Variants in DPP10 observed in about 807,000 individuals in gnomAD.
The protein encoded by DPP10 is inactive dipeptidyl peptidase 10.
Under a neutral mutation model 120.9 loss-of-function variants are expected in DPP10, and 33 were observed. That is an observed-to-expected ratio of 0.27 (90% CI 0.21 to 0.37). The LOEUF is 0.37. Among genes scored for constraint, DPP10 ranks in the 10% least tolerant of loss-of-function variants. The probability of loss-of-function intolerance (pLI) is 1.00; values close to 1 mark genes in which losing one functional copy is unlikely to be tolerated. For missense variants in DPP10, 816 were observed against 942.8 expected (o/e 0.87, Z 1.76); for synonymous variants, 337 against 326.1 (o/e 1.03, Z -0.36).
intron 1 of DPP10, among the ~76,000 whole-genome samples, chr2:114,997,962 T>G (rs1308049277): frequency 1.3e-5 from 2 of 152,214 alleles, no homozygotes; most frequent in African/African-American, 4.8e-5. Flanking sequence ...ATGCAATATT[T>G]TAAATAATTT....
At chr2:114,837,737 T>C (rs941617122) in intron 1 of DPP10, among the ~76,000 whole-genome samples, 9 of 152,192 alleles carry the variant, frequency 5.9e-5, no homozygotes, top group African/African-American at 2.2e-4. Flanking sequence ...GTGATCTGCC[T>C]CACAAATCAT....
At chr2:115,763,744 T>C (rs1383239009) in intron 12 of DPP10, among the ~76,000 whole-genome samples, 8 of 152,136 alleles carry the variant, frequency 5.3e-5, no homozygotes. Flanking sequence ...GCTACTAACA[T>C]TCCCCTCATA....
At chr2:115,655,650 T>A (rs1360234816) in intron 5 of DPP10, among the ~76,000 whole-genome samples, 4 of 151,608 alleles carry the variant, frequency 2.6e-5, no homozygotes, top group African/African-American at 4.8e-5. Flanking sequence ...TTCATAAGTT[T>A]CCTTCAAATT....
intron 1 of DPP10, among the ~76,000 whole-genome samples, chr2:114,970,226 A>G (rs1004999197): frequency 2.6e-5 from 4 of 152,162 alleles, no homozygotes; most frequent in Non-Finnish European, 5.9e-5. Context: ...GCTAAAATGG[A>G]GAAATAAATT....
At chr2:115,013,566 G>A (rs1286799793) in intron 1 of DPP10, among the ~76,000 whole-genome samples, 1 of 151,050 alleles carries the variant, frequency 6.6e-6, no homozygotes, top group Non-Finnish European at 1.5e-5. Context: ...AAACACATCG[G>A]TGGGCTGTAT....
intron 1 of DPP10, among the ~76,000 whole-genome samples, chr2:115,056,690 A>G (rs1203808535): frequency 2.0e-5 from 3 of 152,200 alleles, no homozygotes; most frequent in East Asian, 1.9e-4. Flanking sequence ...AGCAATGCCA[A>G]CGTAAGTCCA....
intron 1 of DPP10, among the ~76,000 whole-genome samples, chr2:115,205,957 G>A (rs1362061834): frequency 1.3e-5 from 2 of 152,086 alleles, no homozygotes; most frequent in Non-Finnish European, 2.9e-5. Context: ...GGGTTCAATT[G>A]TATCCCAACT....
chr2:114,507,724 G>A (rs1683797655), intron 1 of DPP10, among the ~76,000 whole-genome samples: 5 of 152,140 alleles, frequency 3.3e-5, no homozygotes, highest in Admixed American at 1.3e-4. Flanking sequence ...ACTGATTAAC[G>A]TGGCAATTTT....
At chr2:114,540,687 A>G (rs906529936) in intron 1 of DPP10, among the ~76,000 whole-genome samples, 1 of 152,194 alleles carries the variant, frequency 6.6e-6, no homozygotes, top group South Asian at 2.1e-4. Flanking sequence ...ATATTTTGTT[A>G]TTGCTGAATT....
intron 1 of DPP10, among the ~76,000 whole-genome samples, chr2:114,990,389 A>G (rs1465537815): frequency 6.7e-6 from 1 of 148,862 alleles, no homozygotes; most frequent in Non-Finnish European, 1.5e-5. Flanking sequence ...TAATCTATCT[A>G]TCTATCTATT....
chr2:115,635,572 A>C (rs2086258614), intron 5 of DPP10, among the ~76,000 whole-genome samples: 1 of 152,188 alleles, frequency 6.6e-6, no homozygotes, highest in Non-Finnish European at 1.5e-5. Context: ...CAGTCTGTTT[A>C]AATAATTCTT....
intron 5 of DPP10, among the ~76,000 whole-genome samples, chr2:115,543,433 A>G (rs1467513367): frequency 1.3e-5 from 2 of 152,066 alleles, no homozygotes; most frequent in Non-Finnish European, 2.9e-5. Flanking sequence ...GGCAGTCCTA[A>G]TCTGATTTTC....
At chr2:114,849,516 T>G (rs1002872242) in intron 1 of DPP10, among the ~76,000 whole-genome samples, 2 of 151,992 alleles carry the variant, frequency 1.3e-5, no homozygotes, top group Non-Finnish European at 2.9e-5. Context: ...TTTGTAATTT[T>G]TAGTAGAGAT....
chr2:115,635,468 G>A (rs2086251284), intron 5 of DPP10, among the ~76,000 whole-genome samples: 1 of 152,162 alleles, frequency 6.6e-6, no homozygotes, highest in Admixed American at 6.5e-5. Flanking sequence ...CTGACTCCTA[G>A]GTGGGCTGTG....
At chr2:114,532,296 T>TATATATATATACACAC (rs1342125338) in intron 1 of DPP10, among the ~76,000 whole-genome samples, 32 of 74,720 alleles carry the variant, frequency 4.3e-4, no homozygotes, top group Non-Finnish European at 7.5e-4. Flanking sequence ...TATATATATA[T>TATATATATATACACAC]ACACACACAC....
chr2:114,591,303 G>A (rs990929249), intron 1 of DPP10, among the ~76,000 whole-genome samples: 4 of 152,312 alleles, frequency 2.6e-5, no homozygotes, highest in African/African-American at 9.6e-5. Flanking sequence ...GCATTTTGAA[G>A]CAATGACTCT....
intron 5 of DPP10, among the ~76,000 whole-genome samples, chr2:115,632,397 T>C (rs1575394885): frequency 6.6e-6 from 1 of 152,152 alleles, no homozygotes; most frequent in East Asian, 1.9e-4. Flanking sequence ...TTAGCATGTT[T>C]ACATTTAAGG....
intron 1 of DPP10, among the ~76,000 whole-genome samples, chr2:114,902,799 A>G (rs942135061): frequency 2.6e-5 from 4 of 152,002 alleles, no homozygotes; most frequent in African/African-American, 9.7e-5. Context: ...ACATTGACAT[A>G]CCATTACTAC....
intron 3 of DPP10, among the ~76,000 whole-genome samples, chr2:115,442,747 A>T (rs1008174186): frequency 6.6e-6 from 1 of 152,208 alleles, no homozygotes; most frequent in African/African-American, 2.4e-5. Context: ...CCTTACAACG[A>T]TATTAAAAAC....
Sources: gnomAD v4.1 joint callset for allele counts (sites outside exome capture counted in the v4.1 genomes callset) on GRCh38, gnomAD v4.1.1 for gene constraint, MANE v1.5 for transcripts, NCBI Gene and HGNC (gene_info 2026-07-23, HGNC 2026-07-21) for gene names.